The following EXOC4 variants were observed in gnomAD, a reference collection of about 807,000 sequenced individuals.
EXOC4 encodes SEC8-like 1.
A neutral mutation model predicts 107.2 loss-of-function variants in EXOC4; 71 were observed. The observed-to-expected ratio is 0.66, with a 90% CI of 0.55 to 0.81. The LOEUF (loss-of-function observed/expected upper bound fraction) is 0.81, where lower values mean the gene tolerates loss of function less well. EXOC4 is among the 30% of genes least tolerant of loss of function. EXOC4 has a pLI of 0.00. For missense variants in EXOC4, 1,108 were observed against 1,189.6 expected, an observed-to-expected ratio of 0.93 and a Z score of 1.01; for synonymous variants, 456 against 441.2, an observed-to-expected ratio of 1.03 and a Z score of -0.42.
intron 5 of EXOC4, among the ~76,000 whole-genome samples, chr7:133,353,867 A>G (rs1174371054): frequency 1.3e-5 from 2 of 150,150 alleles, no homozygotes; most frequent in Non-Finnish European, 3.0e-5. Context: ...ACGTTTGCTG[A>G]TTTTTTTTCT....
chr7:134,031,006 C>G (rs1795258273), intron 17 of EXOC4, among the ~76,000 whole-genome samples: 2 of 152,024 alleles, frequency 1.3e-5, no homozygotes, highest in African/African-American at 4.8e-5. Context: ...ATGAGAGAAG[C>G]CAGTCAAAAG....
intron 9 of EXOC4, among the ~76,000 whole-genome samples, chr7:133,537,033 A>G (rs943000583): frequency 6.6e-6 from 1 of 152,206 alleles, no homozygotes; most frequent in Non-Finnish European, 1.5e-5. Flanking sequence ...AAAGGAGAGA[A>G]TGGCTATTTG....
At chr7:133,681,496 CA>C (rs1328773503) in intron 10 of EXOC4, among the ~76,000 whole-genome samples, 3 of 152,120 alleles carry the variant, frequency 2.0e-5, no homozygotes, top group African/African-American at 7.2e-5. Context: ...AGTAGCGAAG[CA>C]AAGCAAATTC....
At chr7:133,678,732 T>C (rs1284404906) in intron 10 of EXOC4, among the ~76,000 whole-genome samples, 1 of 152,040 alleles carries the variant, frequency 6.6e-6, no homozygotes, top group Non-Finnish European at 1.5e-5. Flanking sequence ...TGCCTCAGGC[T>C]CCCAGGTGGC....
intron 17 of EXOC4, among the ~76,000 whole-genome samples, chr7:134,046,345 G>C (rs1228880879): frequency 2.0e-5 from 3 of 151,888 alleles, no homozygotes; most frequent in Admixed American, 1.3e-4. Flanking sequence ...AGTCAGGCGT[G>C]GGTAGTCCCA....
At chr7:133,704,537 C>T (rs1562916326) in intron 10 of EXOC4, among the ~76,000 whole-genome samples, 1 of 152,166 alleles carries the variant, frequency 6.6e-6, no homozygotes, top group African/African-American at 2.4e-5. Flanking sequence ...CACCACAGAG[C>T]AGAGAATAAG....
chr7:133,985,554 C>A (rs1794094412), intron 14 of EXOC4, among the ~76,000 whole-genome samples: 1 of 152,178 alleles, frequency 6.6e-6, no homozygotes, highest in Non-Finnish European at 1.5e-5. Context: ...ACCAGAAGCT[C>A]CTCTAGGGCC....
At chr7:134,031,639 G>A (rs934488258) in intron 17 of EXOC4, among the ~76,000 whole-genome samples, 1 of 152,120 alleles carries the variant, frequency 6.6e-6, no homozygotes, top group African/African-American at 2.4e-5. Flanking sequence ...CATCCAGCTG[G>A]AAGAAGACTT....
At chr7:133,269,221 T>C (rs1381780125) in intron 1 of EXOC4, among the ~76,000 whole-genome samples, 1 of 152,220 alleles carries the variant, frequency 6.6e-6, no homozygotes, top group Non-Finnish European at 1.5e-5. Context: ...CTGTTCTCTT[T>C]ACATATGAAC....
intron 14 of EXOC4, among the ~76,000 whole-genome samples, chr7:133,943,002 A>G (rs968726054): frequency 6.6e-6 from 1 of 152,140 alleles, no homozygotes; most frequent in African/African-American, 2.4e-5. Context: ...GCATTGCCCT[A>G]TATATTAGCC....
intron 14 of EXOC4, among the ~76,000 whole-genome samples, chr7:133,971,351 T>G (rs1801220813): frequency 9.8e-6 from 1 of 102,296 alleles, no homozygotes; most frequent in African/African-American, 4.1e-5. Flanking sequence ...TATATATATA[T>G]ATATATATAT....
At chr7:134,036,260 G>A (rs758023766) in intron 17 of EXOC4, among the ~76,000 whole-genome samples, 28 of 152,172 alleles carry the variant, frequency 1.8e-4, no homozygotes, top group Middle Eastern at 3.2e-3. Context: ...TAGAAAGAGA[G>A]CATCCTTCTC....
At chr7:133,525,349 T>G (rs1403807307) in intron 9 of EXOC4, among the ~76,000 whole-genome samples, 1 of 152,220 alleles carries the variant, frequency 6.6e-6, no homozygotes, top group African/African-American at 2.4e-5. Flanking sequence ...TAGGTTTTAT[T>G]GTAATTTTCA....
chr7:133,341,875 A>C (rs1263130420), intron 5 of EXOC4, among the ~76,000 whole-genome samples: 1 of 152,070 alleles, frequency 6.6e-6, no homozygotes, highest in Admixed American at 6.6e-5. Flanking sequence ...TCCTGTCCAC[A>C]TGCATGGAAT....
chr7:134,007,940 A>T, intron 17 of EXOC4, 105 bp downstream of exon 17: 3 of 1,062,818 alleles, frequency 2.8e-6, no homozygotes, highest in Non-Finnish European at 4.0e-6. Flanking sequence ...AGCTTAGTTT[A>T]AAAAAAGAAA....
At chr7:133,672,111 G>T (rs1308042441) in intron 10 of EXOC4, among the ~76,000 whole-genome samples, 3 of 152,140 alleles carry the variant, frequency 2.0e-5, no homozygotes, top group Non-Finnish European at 4.4e-5. Context: ...CCTAGTACAG[G>T]CCAGGCGTGG....
chr7:133,412,700 C>T (rs1339415558), intron 7 of EXOC4, among the ~76,000 whole-genome samples: 1 of 151,778 alleles, frequency 6.6e-6, no homozygotes, highest in Non-Finnish European at 1.5e-5. Flanking sequence ...GGGTCATAAG[C>T]CTAATTCATG....
chr7:133,287,971 C>T (rs151042522), intron 2 of EXOC4, among the ~76,000 whole-genome samples: 72 of 152,174 alleles, frequency 4.7e-4, no homozygotes, highest in African/African-American at 1.4e-3. Context: ...TACAGGTGGG[C>T]GCATTTGCCA....
At chr7:133,496,822 G>A (rs938545243) in intron 9 of EXOC4, among the ~76,000 whole-genome samples, 2 of 152,000 alleles carry the variant, frequency 1.3e-5, no homozygotes, top group African/African-American at 2.4e-5. Context: ...TGTCACTCTC[G>A]GGGTTAGTTT....
Sources: allele counts gnomAD v4.1 joint callset (sites outside exome capture counted in the v4.1 genomes callset), GRCh38; gene constraint gnomAD v4.1.1; transcripts MANE v1.5; gene names NCBI Gene and HGNC (gene_info 2026-07-23, HGNC 2026-07-21).